The following DGKB variants were observed in gnomAD, a reference collection of about 807,000 sequenced individuals.
The protein encoded by DGKB is 90 kDa diacylglycerol kinase.
Under a neutral mutation model 114.3 loss-of-function variants are expected in DGKB, and 67 were observed. That is an observed-to-expected ratio of 0.59 (90% CI 0.48 to 0.72). DGKB has a LOEUF of 0.72. DGKB is among the 30% of genes least tolerant of loss of function. The pLI, the probability that DGKB is intolerant of heterozygous loss-of-function variation, is 0.00. For synonymous variants in DGKB, 398 were observed against 323.1 expected, an observed-to-expected ratio of 1.23 and a Z score of -2.49; for missense variants, 907 against 975.2, an observed-to-expected ratio of 0.93 and a Z score of 0.93.
intron 17 of DGKB, among the ~76,000 whole-genome samples, chr7:14,606,259 C>T (rs1038946153): frequency 6.6e-6 from 1 of 152,010 alleles, no homozygotes; most frequent in Non-Finnish European, 1.5e-5. Context: ...ACAGTCTGAT[C>T]ATGATCCTCT....
intron 1 of DGKB, among the ~76,000 whole-genome samples, chr7:14,965,460 T>C (rs1357293216): frequency 2.0e-5 from 3 of 152,074 alleles, no homozygotes; most frequent in African/African-American, 7.2e-5. Flanking sequence ...CTTGTGAAAA[T>C]TGCTAACAGA....
intron 25 of DGKB, among the ~76,000 whole-genome samples, chr7:14,154,552 T>C (rs1782697518): frequency 6.6e-6 from 1 of 151,782 alleles, no homozygotes. Context: ...GACTGTTACC[T>C]GGTACAAAAA....
intron 20 of DGKB, among the ~76,000 whole-genome samples, chr7:14,546,146 A>G (rs887622070): frequency 3.3e-5 from 5 of 152,192 alleles, no homozygotes; most frequent in African/African-American, 1.2e-4. Flanking sequence ...TTATTATGAT[A>G]CTTATGTGAT....
At chr7:14,685,219 T>C (rs1171750941) in intron 10 of DGKB, 26 bp downstream of exon 10, 3 of 1,466,266 alleles carry the variant, frequency 2.0e-6, no homozygotes, top group Non-Finnish European at 2.9e-6. Flanking sequence ...GAGGAGATGA[T>C]GTCCAGGCAG....
At chr7:14,244,114 C>G (rs971123841) in intron 23 of DGKB, among the ~76,000 whole-genome samples, 1 of 151,862 alleles carries the variant, frequency 6.6e-6, no homozygotes, top group African/African-American at 2.4e-5. Flanking sequence ...GGGAATAAGG[C>G]GGCTTCTGAC....
chr7:14,497,368 T>C (rs1477444317), intron 20 of DGKB, among the ~76,000 whole-genome samples: 4 of 151,774 alleles, frequency 2.6e-5, no homozygotes, highest in African/African-American at 9.7e-5. Context: ...ACATAAGAAA[T>C]GTTTTAAAAA....
At chr7:14,210,717 C>T (rs1787624568) in intron 23 of DGKB, among the ~76,000 whole-genome samples, 1 of 152,026 alleles carries the variant, frequency 6.6e-6, no homozygotes, top group African/African-American at 2.4e-5. Flanking sequence ...ATCTTTCTCA[C>T]CTCAAGAGAT....
chr7:14,684,664 G>A (rs1163934602), intron 10 of DGKB, among the ~76,000 whole-genome samples: 3 of 152,058 alleles, frequency 2.0e-5, no homozygotes, highest in East Asian at 3.9e-4. Context: ...AAATGGCCAC[G>A]ACTCATTAAT....
intron 1 of DGKB, among the ~76,000 whole-genome samples, chr7:14,886,365 A>G (rs149474424): frequency 1.3e-5 from 2 of 151,898 alleles, no homozygotes; most frequent in African/African-American, 4.8e-5. Flanking sequence ...ATACACAGAA[A>G]AATCTAGTAG....
chr7:14,613,090 G>A (rs533751775), intron 16 of DGKB, among the ~76,000 whole-genome samples: 7 of 152,192 alleles, frequency 4.6e-5, no homozygotes, highest in African/African-American at 1.4e-4. Flanking sequence ...TTAGGGGATA[G>A]GGGTGATAGG....
chr7:14,912,703 C>A (rs1384904388), intron 1 of DGKB, among the ~76,000 whole-genome samples: 1 of 152,108 alleles, frequency 6.6e-6, no homozygotes, highest in Non-Finnish European at 1.5e-5. Context: ...TAAATATTGT[C>A]GTGAAAATCT....
intron 20 of DGKB, among the ~76,000 whole-genome samples, chr7:14,520,346 T>C (rs1017713826): frequency 6.6e-6 from 1 of 151,624 alleles, no homozygotes; most frequent in Non-Finnish European, 1.5e-5. Context: ...TGTGTTCTAA[T>C]GTTTATTATT....
intron 1 of DGKB, among the ~76,000 whole-genome samples, chr7:14,894,071 A>G (rs995358651): frequency 6.6e-6 from 1 of 151,260 alleles, no homozygotes; most frequent in African/African-American, 2.4e-5. Context: ...TTCCAAATAT[A>G]TATTAATAGA....
chr7:14,443,546 T>C (rs1424834095), intron 21 of DGKB, among the ~76,000 whole-genome samples: 5 of 152,132 alleles, frequency 3.3e-5, no homozygotes, highest in African/African-American at 1.2e-4. Flanking sequence ...AATTATTTGT[T>C]TCAGAACTTT....
intron 16 of DGKB, among the ~76,000 whole-genome samples, chr7:14,609,448 C>T (rs1805119724): frequency 6.6e-6 from 1 of 151,782 alleles, no homozygotes; most frequent in African/African-American, 2.4e-5. Flanking sequence ...AAAAGAAAAC[C>T]TAGGAAATAC....
At chr7:14,480,067 T>C (rs1782758588) in intron 20 of DGKB, among the ~76,000 whole-genome samples, 1 of 151,976 alleles carries the variant, frequency 6.6e-6, no homozygotes, top group Admixed American at 6.6e-5. Flanking sequence ...GGTGTATATT[T>C]TTGTAATGAC....
chr7:14,463,640 A>G (rs765706964), intron 21 of DGKB, among the ~76,000 whole-genome samples: 79 of 152,324 alleles, frequency 5.2e-4, no homozygotes, highest in South Asian at 1.0e-3. Flanking sequence ...GAGCAAAAGA[A>G]GTCTTTTCTG....
chr7:14,966,239 A>C (rs986756983), intron 1 of DGKB, among the ~76,000 whole-genome samples: 1 of 152,122 alleles, frequency 6.6e-6, no homozygotes, highest in African/African-American at 2.4e-5. Flanking sequence ...AGTTAGACAT[A>C]TAGTACACTG....
chr7:14,284,664 T>C (rs566059643), intron 23 of DGKB, among the ~76,000 whole-genome samples: 5 of 149,876 alleles, frequency 3.3e-5, no homozygotes, highest in African/African-American at 1.0e-4. Flanking sequence ...ATATACATCA[T>C]GGAATACTAT....
Sources: gnomAD v4.1 joint callset for allele counts (sites outside exome capture counted in the v4.1 genomes callset) on GRCh38, gnomAD v4.1.1 for gene constraint, MANE v1.5 for transcripts, NCBI Gene and HGNC (gene_info 2026-07-23, HGNC 2026-07-21) for gene names.